The following ADAMTS19 variants were observed in gnomAD, a reference collection of about 807,000 sequenced individuals.
The protein encoded by ADAMTS19 is A disintegrin and metalloproteinase with thrombospondin motifs 19.
Under a neutral mutation model 153.3 loss-of-function variants are expected in ADAMTS19, and 93 were observed. The observed-to-expected ratio is 0.61, with a 90% CI of 0.51 to 0.72. The LOEUF (loss-of-function observed/expected upper bound fraction) is 0.72. Ranked by LOEUF, ADAMTS19 falls within the 30% of genes least tolerant of loss-of-function variation. The pLI is 0.00. For synonymous variants in ADAMTS19, 600 were observed against 556.6 expected (o/e 1.08, Z -1.10); for missense variants, 1,482 against 1,552.1 (o/e 0.95, Z 0.76).
At chr5:129,516,047 A>G (rs928283141) in intron 3 of ADAMTS19, among the ~76,000 whole-genome samples, 14 of 151,802 alleles carry the variant, frequency 9.2e-5, no homozygotes, top group African/African-American at 3.1e-4. Flanking sequence ...ACATGATCAT[A>G]TGGTTTTCTC....
chr5:129,652,465 T>C (rs749365262), intron 13 of ADAMTS19, among the ~76,000 whole-genome samples: 12 of 152,214 alleles, frequency 7.9e-5, no homozygotes, highest in Non-Finnish European at 1.3e-4. Context: ...ATACTTTGTG[T>C]GTGCCAAAAT....
intron 21 of ADAMTS19, among the ~76,000 whole-genome samples, chr5:129,725,207 C>T (rs780668908): frequency 1.2e-4 from 19 of 152,152 alleles, no homozygotes; most frequent in African/African-American, 2.2e-4. Context: ...AATGAAAGGA[C>T]GGAAAGTAAA....
At chr5:129,466,886 C>T (rs1023985703) in intron 2 of ADAMTS19, among the ~76,000 whole-genome samples, 3 of 152,082 alleles carry the variant, frequency 2.0e-5, no homozygotes, top group African/African-American at 7.2e-5. Context: ...CACAGGTTTC[C>T]ATATTTGGAA....
intron 6 of ADAMTS19, among the ~76,000 whole-genome samples, chr5:129,539,262 G>C (rs1353734993): frequency 6.6e-6 from 1 of 152,034 alleles, no homozygotes; most frequent in Non-Finnish European, 1.5e-5. Flanking sequence ...GTAATCACAA[G>C]AGTCCTAAAA....
chr5:129,500,417 G>A (rs977833085), intron 2 of ADAMTS19: 1 of 152,104 alleles, frequency 6.6e-6, no homozygotes, highest in East Asian at 1.9e-4. Context: ...TCTTTCATGG[G>A]TCACATTTGT....
At chr5:129,489,229 A>G (rs1281268531) in intron 2 of ADAMTS19, among the ~76,000 whole-genome samples, 1 of 152,148 alleles carries the variant, frequency 6.6e-6, no homozygotes, top group African/African-American at 2.4e-5. Flanking sequence ...TGTTTTGTAC[A>G]TAATAGTTGA....
chr5:129,583,237 C>T (rs1749613269), intron 7 of ADAMTS19, among the ~76,000 whole-genome samples: 1 of 152,072 alleles, frequency 6.6e-6, no homozygotes. Context: ...GAATATTGGC[C>T]CCCAATCTAT....
intron 10 of ADAMTS19, among the ~76,000 whole-genome samples, chr5:129,623,183 G>A (rs964828271): frequency 6.6e-6 from 1 of 152,142 alleles, no homozygotes; most frequent in South Asian, 2.1e-4. Flanking sequence ...TAATGGTAAA[G>A]CAGTGTTTAT....
rs576630954 is a variant in ADAMTS19, at chr5:129,590,115, G to T, written c.1373-6444G>T. ...TAACAACAGCATTTTCAGGCTTTTT[G>T]ATTTATGCATGAATCTCCATCCCCT... On this transcript the variant is annotated intron_variant, in intron 7 of 22. Coordinates refer to ENST00000274487, the MANE Select transcript of ADAMTS19 (RefSeq NM_133638.6). Among the ~76,000 whole-genome samples, 415 of 152,044 alleles carry T rather than the reference G, an allele frequency of 2.7e-3. 1 individual carries two copies. Among genetic ancestry groups the T allele is most frequent in the African/African-American group, 9.5e-3 (395 of 41,490 alleles).
chr5:129,629,847 C>T (rs30702), intron 10 of ADAMTS19, among the ~76,000 whole-genome samples: 63,316 of 151,804 alleles, frequency 0.42, 14,643 homozygotes, highest in African/African-American at 0.63. Context: ...CCTGAAATTA[C>T]TTAGACTGGC....
intron 10 of ADAMTS19, among the ~76,000 whole-genome samples, chr5:129,636,563 G>A (rs570798836): frequency 2.1e-4 from 32 of 152,078 alleles, no homozygotes; most frequent in Non-Finnish European, 4.3e-4. Context: ...GCTGTCCATG[G>A]GTTACATTTC....
rs1229569833 is a variant in ADAMTS19, at chr5:129,461,013, C to CTG, written c.92-87_92-86dup. 1.6e-6 allele frequency: 2 copies of CTG among 1,265,674 alleles called. No homozygotes were observed. Among genetic ancestry groups the CTG allele is most frequent in the Non-Finnish European group, 2.0e-6 (2 of 1,007,464 alleles). 78.4% of individuals were successfully genotyped at this position (1,265,674 alleles called of 1,614,324 possible). ...CTCCATTGCATTCAACGCGAGCGCC[C>CTG]TGTATCTATGGACTGTGAGCTTGGA... On this transcript the variant is annotated intron_variant, in intron 1 of 22. Transcript: ENST00000274487. The surrounding 1 kb of genome is among the most constrained non-coding windows in gnomAD (Gnocchi z 4.6).
chr5:129,533,925 C>T (rs575243807), intron 6 of ADAMTS19, among the ~76,000 whole-genome samples: 1 of 152,142 alleles, frequency 6.6e-6, no homozygotes, highest in African/African-American at 2.4e-5. Context: ...TTTCTTAATC[C>T]TGAGTTCTAG....
chr5:129,698,868 A>G (rs1013697525), intron 19 of ADAMTS19, among the ~76,000 whole-genome samples: 1 of 152,192 alleles, frequency 6.6e-6, no homozygotes, highest in South Asian at 2.1e-4. Context: ...CCACCAGGGG[A>G]CTCCAAAGCA....
At chr5:129,684,031 T>C in intron 17 of ADAMTS19, 89 bp from the exon 18 acceptor site, 1 of 1,374,588 alleles carries the variant, frequency 7.3e-7, no homozygotes, top group Non-Finnish European at 9.9e-7. Context: ...ACAATGAGCA[T>C]TTTAAGTATC....
intron 3 of ADAMTS19, among the ~76,000 whole-genome samples, chr5:129,511,629 T>C (rs1446338056): frequency 1.3e-5 from 2 of 150,964 alleles, no homozygotes; most frequent in African/African-American, 4.9e-5. Flanking sequence ...GCATACAAGA[T>C]CCCAAGCTCC....
intron 3 of ADAMTS19, among the ~76,000 whole-genome samples, chr5:129,509,447 A>C (rs1751364971): frequency 6.6e-6 from 1 of 152,014 alleles, no homozygotes; most frequent in Admixed American, 6.6e-5. Flanking sequence ...AGAACTCAAA[A>C]GGACTTTAGA....
chr5:129,549,046 G>A (rs773399115), intron 6 of ADAMTS19, among the ~76,000 whole-genome samples: 1 of 101,236 alleles, frequency 9.9e-6, no homozygotes, highest in Admixed American at 1.3e-4. Flanking sequence ...GGAGGGGGGA[G>A]GGATAGCATT....
chr5:129,710,917 C>G (rs1756424054), intron 21 of ADAMTS19, among the ~76,000 whole-genome samples: 1 of 152,060 alleles, frequency 6.6e-6, no homozygotes, highest in South Asian at 2.1e-4. Context: ...CCAAAAGGTA[C>G]AAAAATTACC....
Sources: allele counts gnomAD v4.1 joint callset (sites outside exome capture counted in the v4.1 genomes callset), GRCh38; gene constraint gnomAD v4.1.1; non-coding constraint Gnocchi (gnomAD v3.1); transcripts MANE v1.5; gene names NCBI Gene and HGNC (gene_info 2026-07-23, HGNC 2026-07-21).